Variants in MMP2 observed in about 807,000 individuals in gnomAD.
MMP2 encodes the protein matrix metallopeptidase 2, also known as 72 kDa type IV collagenase.
MMP2 carries 39 observed loss-of-function variants against 74.8 expected under a neutral mutation model. The ratio of observed to expected loss-of-function variants is 0.52; its 90% CI spans 0.40 to 0.68. The LOEUF (loss-of-function observed/expected upper bound fraction) is 0.68. Among genes scored for constraint, MMP2 ranks in the 30% least tolerant of loss-of-function variants. MMP2 has a pLI of 0.00. For synonymous variants in MMP2, 367 were observed against 339.8 expected (o/e 1.08, Z -0.88); for missense variants, 803 against 878.3 (o/e 0.91, Z 1.08).
Position 55,479,385 on chromosome 16 carries a change from C to G in MMP2, c.-95C>G. The G allele has an allele frequency of 7.5e-7, 1 of 1,338,622 alleles. No homozygotes were observed. Among genetic ancestry groups the G allele is most frequent in the Non-Finnish European group, 9.6e-7 (1 of 1,045,276 alleles). The allele number at this position is 1,338,622 out of a possible 1,614,324, so 82.9% of individuals were successfully genotyped here. ...GCCAGCGGACCCTCGGAGCGCAGCC[C>G]TGCGCCGCGGAGCAGGCTCCAACCA... On this transcript the variant is annotated 5_prime_UTR_variant, in exon 1 of 13. Coordinates refer to ENST00000219070, the MANE Select transcript of MMP2 (RefSeq NM_004530.6).
At chr16:55,488,331 G>T (rs1430006269) in intron 5 of MMP2, 1 of 593,000 alleles carries the variant, frequency 1.7e-6, no homozygotes, top group African/African-American at 1.9e-5. Flanking sequence ...GGTCCACAAG[G>T]TCCCACGGGA....
At chr16:55,479,685 A>G in intron 1 of MMP2, 53 bp downstream of exon 1, 1 of 1,610,896 alleles carries the variant, frequency 6.2e-7, no homozygotes, top group Non-Finnish European at 8.5e-7. Context: ...CTTCGGAGGC[A>G]AAGGATGGGG....
Position 55,479,448 on chromosome 16 carries a change from C to T in MMP2, c.-32C>T. ...GCCACACGCACCGAGCCAGCGACCC[C>T]CGGGCGACGCGCGGGGCCAGGGAGC... On this transcript the variant is annotated 5_prime_UTR_variant, in exon 1 of 13. Transcript: ENST00000219070. 6 of 1,469,532 alleles carry T rather than the reference C, an allele frequency of 4.1e-6. 1 individual carries two copies. Among genetic ancestry groups the T allele is most frequent in the South Asian group, 1.4e-5 (1 of 72,394 alleles). The allele number at this position is 1,469,532 out of a possible 1,614,324, so 91.0% of individuals were successfully genotyped here.
At chr16:55,505,108 T>C (rs1307606614) in intron 12 of MMP2, among the ~76,000 whole-genome samples, 6 of 152,058 alleles carry the variant, frequency 3.9e-5, no homozygotes, top group African/African-American at 9.7e-5. Flanking sequence ...TGTACCACTA[T>C]ACCCAGCTAA....
chr16:55,504,692 G>A (rs529774370), intron 12 of MMP2, among the ~76,000 whole-genome samples: 92 of 141,078 alleles, frequency 6.5e-4, no homozygotes, highest in African/African-American at 2.3e-3. Flanking sequence ...TCCCTCTGTC[G>A]CCCAGGCTGG....
At chr16:55,494,681 C>T (rs1962491908) in intron 9 of MMP2, among the ~76,000 whole-genome samples, 1 of 152,158 alleles carries the variant, frequency 6.6e-6, no homozygotes, top group Non-Finnish European at 1.5e-5. Context: ...AGCAAATTCT[C>T]CCAGTGATTC....
At chr16:55,498,135 C>T (rs777180682) in intron 10 of MMP2, among the ~76,000 whole-genome samples, 154 bp from the exon 11 acceptor site, 3 of 152,186 alleles carry the variant, frequency 2.0e-5, no homozygotes, top group Non-Finnish European at 1.5e-5. Flanking sequence ...TCTGTGTGAG[C>T]CCTGATTCTG....
intron 9 of MMP2, among the ~76,000 whole-genome samples, chr16:55,495,631 A>G (rs986699434): frequency 2.1e-4 from 32 of 152,242 alleles, no homozygotes; most frequent in African/African-American, 7.7e-4. Flanking sequence ...CTAAATAAAA[A>G]TTGTGACACC....
chr16:55,505,107 A>G lies in MMP2; in HGVS notation c.1880-232A>G, dbSNP rs371361107. 4.6e-5 allele frequency among the ~76,000 whole-genome samples: 7 copies of G among 152,032 alleles called. No homozygotes were observed. The South Asian group carries it at 1.2e-3, about 27-fold the overall frequency. ...GCTTGGACTACAGGAATGTACCACT[A>G]TACCCAGCTAATTTAAATATGTTTT... On this transcript the variant is annotated intron_variant, in intron 12 of 12. Transcript: ENST00000219070.
chr16:55,493,046 G>A, intron 8 of MMP2, 112 bp from the exon 9 acceptor site: 1 of 1,356,998 alleles, frequency 7.4e-7, no homozygotes, highest in Non-Finnish European at 1.0e-6. Context: ...ACTAAGGCCA[G>A]AAGGCGATTT....
At position 55,485,339 on chromosome 16, in the gene MMP2, C is replaced by T; in HGVS notation, c.570C>T (p.Leu190=). The change falls in exon 4 of 13, where the codon CTC becomes CTT. Residue 190 remains leucine (L), a synonymous_variant. Transcript: ENST00000219070. The part of the protein sequence containing the change: ...DGYPFDGKDG[L]LAHAFAPGTG... Reference sequence around the variant, plus strand: ...ACCCCTTTGACGGTAAGGACGGACTCCTGGCTCATGCCTTCGCCCCAGGCA... The same window carrying T: ...ACCCCTTTGACGGTAAGGACGGACTTCTGGCTCATGCCTTCGCCCCAGGCA... 4 of 1,614,118 alleles carry T rather than the reference C, an allele frequency of 2.5e-6. No homozygotes were observed. Among genetic ancestry groups the T allele is most frequent in the Non-Finnish European group, 3.4e-6 (4 of 1,180,024 alleles).
At chr16:55,489,326 A>G (rs1483265874) in intron 6 of MMP2, among the ~76,000 whole-genome samples, 1 of 152,172 alleles carries the variant, frequency 6.6e-6, no homozygotes, top group African/African-American at 2.4e-5. Context: ...CCCCTAGCCC[A>G]TCTGCCCCCT....
At chr16:55,499,494 T>G (rs1962613615) in intron 11 of MMP2, among the ~76,000 whole-genome samples, 1 of 152,106 alleles carries the variant, frequency 6.6e-6, no homozygotes, top group African/African-American at 2.4e-5. Flanking sequence ...GGGTGCAGGT[T>G]GGCAGGGGAA....
In MMP2 at chr16:55,505,546, C is replaced by A; in HGVS notation, c.*104C>A. ...AGGGGCCTGGCAGCCGTGCCTTCAG[C>A]TCTACAGCTAATCAGCATTCTCACT... is the stretch of plus-strand genomic sequence containing the variant. On this transcript the variant is annotated 3_prime_UTR_variant, in exon 13 of 13. Coordinates refer to ENST00000219070, the MANE Select transcript of MMP2 (RefSeq NM_004530.6). The A allele has an allele frequency of 2.2e-6, 2 of 916,066 alleles. No individual in the cohort carries two copies. Among genetic ancestry groups the A allele is most frequent in the Non-Finnish European group, 1.8e-6 (1 of 551,602 alleles). The allele number at this position is 916,066 out of a possible 1,614,324, so 56.7% of individuals were successfully genotyped here.
At chr16:55,501,635 A>C (rs1962669341) in intron 11 of MMP2, among the ~76,000 whole-genome samples, 1 of 152,146 alleles carries the variant, frequency 6.6e-6, no homozygotes, top group Admixed American at 6.6e-5. Context: ...GGAAGGCGTT[A>C]GTTCTTCGGG....
At chr16:55,503,705 C>G (rs904396883) in intron 12 of MMP2, among the ~76,000 whole-genome samples, 12 of 152,202 alleles carry the variant, frequency 7.9e-5, no homozygotes, top group African/African-American at 2.9e-4. Context: ...GAGTCACAAA[C>G]TCCAACAGCT....
chr16:55,479,689 G>T, intron 1 of MMP2, 57 bp downstream of exon 1: 7 of 1,609,874 alleles, frequency 4.3e-6, no homozygotes, highest in Non-Finnish European at 5.9e-6. Context: ...GGAGGCAAAG[G>T]ATGGGGGTGT....
Position 55,483,106 on chromosome 16 carries a change from C to G in MMP2, c.351C>G (p.Pro117=). 6.2e-7 allele frequency: 1 copy of G among 1,614,056 alleles called. No homozygotes were observed. The highest frequency in any genetic ancestry group is 8.5e-7 in the Non-Finnish European group (1 of 1,179,976). The change falls in exon 2 of 13, where the codon CCC becomes CCG. Residue 117 remains proline (P), a synonymous_variant. Coordinates refer to ENST00000219070, the MANE Select transcript of MMP2 (RefSeq NM_004530.6). ...VANYNFFPRK[P]KWDKNQITYR... Reference sequence around the variant, plus strand: ...ACTACAACTTCTTCCCTCGCAAGCCCAAGTGGGACAAGAACCAGATCACAT... The same window carrying G: ...ACTACAACTTCTTCCCTCGCAAGCCGAAGTGGGACAAGAACCAGATCACAT...
intron 11 of MMP2, 79 bp downstream of exon 11, chr16:55,498,527 C>T: frequency 6.3e-7 from 1 of 1,597,756 alleles, no homozygotes; most frequent in Non-Finnish European, 8.6e-7. Context: ...TTCAAGCCTC[C>T]TGGGCTGAGT....
Sources: gnomAD v4.1 joint callset for allele counts (sites outside exome capture counted in the v4.1 genomes callset) on GRCh38, gnomAD v4.1.1 for gene constraint, MANE v1.5 for transcripts, NCBI Gene and HGNC (gene_info 2026-07-23, HGNC 2026-07-21) for gene names.